The following PCDH15 variants were observed in gnomAD, a reference collection of about 807,000 sequenced individuals.
PCDH15 encodes the protein protocadherin-15.
In PCDH15, 129 loss-of-function variants were observed where a neutral mutation model predicts 178.5. The ratio of observed to expected loss-of-function variants is 0.72; its 90% CI spans 0.63 to 0.84. PCDH15 has a LOEUF of 0.84. PCDH15 is among the 40% of genes least tolerant of loss of function. The pLI is 0.00. For synonymous variants in PCDH15, 800 were observed against 732.0 expected (o/e 1.09, Z -1.50); for missense variants, 2,230 against 2,099.9 (o/e 1.06, Z -1.21).
At chr10:54,613,337 T>C (rs534272163) in intron 2 of PCDH15, among the ~76,000 whole-genome samples, 13 of 151,846 alleles carry the variant, frequency 8.6e-5, no homozygotes, top group Non-Finnish European at 1.8e-4. Flanking sequence ...AGAAAGACAA[T>C]TGTTCAGGAA....
chr10:54,158,972 G>A (rs2045439858), intron 13 of PCDH15, among the ~76,000 whole-genome samples: 2 of 151,956 alleles, frequency 1.3e-5, no homozygotes. Flanking sequence ...GCCAGGCGTG[G>A]TGGCGAGCAC....
intron 2 of PCDH15, among the ~76,000 whole-genome samples, chr10:55,582,192 C>T (rs1367279253): frequency 1.3e-5 from 2 of 152,266 alleles, no homozygotes; most frequent in African/African-American, 4.8e-5. Flanking sequence ...TACTGTGCAA[C>T]CAATCTAGAA....
At chr10:53,807,271 T>C in intron 37 of PCDH15, 141 bp from the exon 38 acceptor site, 1 of 654,976 alleles carries the variant, frequency 1.5e-6, no homozygotes, top group Non-Finnish European at 2.5e-6. Flanking sequence ...AGGAAGCCAG[T>C]CTTTATTAAC....
At chr10:54,696,409 T>C (rs1228845137) in intron 1 of PCDH15, among the ~76,000 whole-genome samples, 1 of 152,134 alleles carries the variant, frequency 6.6e-6, no homozygotes, top group Non-Finnish European at 1.5e-5. Context: ...TTTCTTGAGA[T>C]AAAATCTATT....
At chr10:54,795,279 A>G (rs1591669553) in intron 1 of PCDH15, among the ~76,000 whole-genome samples, 1 of 151,798 alleles carries the variant, frequency 6.6e-6, no homozygotes, top group South Asian at 2.1e-4. Flanking sequence ...CTCTTCCAAA[A>G]CCAGTCCTTA....
chr10:55,218,047 T>A (rs1240473245), intron 1 of PCDH15, among the ~76,000 whole-genome samples: 1 of 152,008 alleles, frequency 6.6e-6, no homozygotes, highest in African/African-American at 2.4e-5. Context: ...CCTGACACTT[T>A]CTTAGCCATT....
intron 27 of PCDH15, among the ~76,000 whole-genome samples, chr10:53,859,553 C>A (rs2078969831): frequency 6.6e-6 from 1 of 151,910 alleles, no homozygotes; most frequent in Non-Finnish European, 1.5e-5. Context: ...TATTAGTATC[C>A]CTTGAATTTT....
intron 14 of PCDH15, among the ~76,000 whole-genome samples, chr10:54,134,546 G>A (rs1458531602): frequency 6.6e-6 from 1 of 151,786 alleles, no homozygotes; most frequent in Admixed American, 6.6e-5. Flanking sequence ...GCGGTCAGGA[G>A]ATCGAGACCA....
chr10:55,437,985 T>C lies in PCDH15; in HGVS notation c.-156+189640A>G, dbSNP rs189883830. On this transcript the variant is annotated intron_variant, in intron 2 of 5. Coordinates refer to the PCDH15 transcript ENST00000613346. ...CCCGGGTACCTAGATTACAGGCATG[T>C]GCCACCACGCCGGCTAATTTTGTAT... 7.5e-4 allele frequency among the ~76,000 whole-genome samples: 114 copies of C among 151,934 alleles called. 1 individual carries two copies. The highest frequency in any genetic ancestry group is 1.2e-3 in the Admixed American group (18 of 15,260).
intron 1 of PCDH15, among the ~76,000 whole-genome samples, chr10:54,778,923 C>A (rs1469401500): frequency 6.6e-6 from 1 of 152,050 alleles, no homozygotes; most frequent in African/African-American, 2.4e-5. Flanking sequence ...GATGGTGGTA[C>A]TACCAAAGGT....
chr10:54,024,863 T>C (rs1473629414), intron 18 of PCDH15, among the ~76,000 whole-genome samples: 3 of 152,022 alleles, frequency 2.0e-5, no homozygotes, highest in Non-Finnish European at 2.9e-5. Flanking sequence ...AAAAAGAGGG[T>C]GATCTCTTTT....
At chr10:55,541,806 T>C (rs1477914399) in intron 2 of PCDH15, among the ~76,000 whole-genome samples, 1 of 151,892 alleles carries the variant, frequency 6.6e-6, no homozygotes, top group African/African-American at 2.4e-5. Context: ...CAGAAATCAT[T>C]TGATGTGGTC....
chr10:54,095,601 C>A (rs961989994), intron 15 of PCDH15, among the ~76,000 whole-genome samples: 1 of 152,136 alleles, frequency 6.6e-6, no homozygotes, highest in East Asian at 1.9e-4. Flanking sequence ...GATTAATGAT[C>A]TTTTGCCCAG....
intron 3 of PCDH15, among the ~76,000 whole-genome samples, chr10:54,391,431 G>T (rs10740580): frequency 0.86 from 130,094 of 152,052 alleles, 55,869 homozygotes; most frequent in East Asian, 0.99. Context: ...ATAATACTTG[G>T]TGTACCAGCA....
At chr10:53,984,140 TTTC>T (rs1291527888) in intron 21 of PCDH15, among the ~76,000 whole-genome samples, 52 of 94,764 alleles carry the variant, frequency 5.5e-4, no homozygotes, top group East Asian at 8.6e-4. Flanking sequence ...TTTTTTCTTT[TTTC>T]TTTTCTTTTT....
chr10:54,118,050 C>T (rs142878802), intron 15 of PCDH15, among the ~76,000 whole-genome samples: 2 of 152,280 alleles, frequency 1.3e-5, no homozygotes, highest in African/African-American at 2.4e-5. Context: ...CTATTCCAAA[C>T]TTAAGTGGCA....
chr10:54,261,468 A>G (rs1032425118), intron 8 of PCDH15, among the ~76,000 whole-genome samples: 4 of 152,086 alleles, frequency 2.6e-5, no homozygotes, highest in Admixed American at 6.5e-5. Context: ...ATTACAGATG[A>G]GAAATACAAA....
At chr10:54,519,723 A>T (rs2082640961) in intron 3 of PCDH15, among the ~76,000 whole-genome samples, 1 of 152,194 alleles carries the variant, frequency 6.6e-6, no homozygotes, top group African/African-American at 2.4e-5. Context: ...TTTAAAGTTC[A>T]TATGGAACCA....
At chr10:54,426,751 C>T (rs1379896542) in intron 3 of PCDH15, among the ~76,000 whole-genome samples, 4 of 152,128 alleles carry the variant, frequency 2.6e-5, no homozygotes, top group Non-Finnish European at 4.4e-5. Context: ...TCATACCTCT[C>T]TAGCCCTGGA....
Sources: allele counts gnomAD v4.1 joint callset (sites outside exome capture counted in the v4.1 genomes callset), GRCh38; gene constraint gnomAD v4.1.1; transcripts MANE v1.5; gene names NCBI Gene and HGNC (gene_info 2026-07-23, HGNC 2026-07-21).